Variants in KCTD16 observed in about 807,000 individuals in gnomAD.
KCTD16 encodes the protein potassium channel tetramerization domain containing 16.
Under a neutral mutation model 33.2 loss-of-function variants are expected in KCTD16, and 13 were observed. The ratio of observed to expected loss-of-function variants is 0.39; its 90% CI spans 0.25 to 0.62. The LOEUF (loss-of-function observed/expected upper bound fraction) is 0.62, where lower values mean the gene tolerates loss of function less well. Among genes scored for constraint, KCTD16 ranks in the 20% least tolerant of loss-of-function variants. The pLI, the probability that KCTD16 is intolerant of heterozygous loss-of-function variation, is 0.50. For missense variants in KCTD16, 441 were observed against 525.1 expected (o/e 0.84, Z 1.57); for synonymous variants, 197 against 195.3 (o/e 1.01, Z -0.07).
At chr5:144,308,705 C>A (rs1225427450) in intron 3 of KCTD16, among the ~76,000 whole-genome samples, 1 of 136,290 alleles carries the variant, frequency 7.3e-6, no homozygotes, top group Admixed American at 7.5e-5. Context: ...ACTTAATGGG[C>A]AAACCTAGTT....
intron 2 of KCTD16, among the ~76,000 whole-genome samples, chr5:144,200,441 T>C (rs1052858068): frequency 8.5e-5 from 13 of 152,212 alleles, no homozygotes; most frequent in African/African-American, 3.1e-4. Flanking sequence ...CCAAATTCTT[T>C]CTTGCCAGGC....
chr5:144,424,516 C>T lies in KCTD16; in HGVS notation c.833-49144C>T, dbSNP rs567851607. ...AGCAGTTTGCACTGGCTATTGCTCA[C>T]CTCTGCAACCTCAGCTATGGCCACT... On this transcript the variant is annotated intron_variant, in intron 3 of 3. Coordinates refer to ENST00000512467, the MANE Select transcript of KCTD16 (RefSeq NM_020768.4). Among the ~76,000 whole-genome samples the T allele has an allele frequency of 4.3e-4, 66 of 152,278 alleles. 2 individuals carry two copies. In the South Asian group the frequency reaches 0.013, roughly 30 times the overall value.
At chr5:144,177,627 T>G (rs1752534863) in intron 2 of KCTD16, among the ~76,000 whole-genome samples, 1 of 152,220 alleles carries the variant, frequency 6.6e-6, no homozygotes, top group Non-Finnish European at 1.5e-5. Context: ...TCGCATAGTC[T>G]TCTCTCTGTG....
intron 3 of KCTD16, among the ~76,000 whole-genome samples, chr5:144,414,799 A>G (rs960502617): frequency 6.6e-6 from 1 of 152,168 alleles, no homozygotes; most frequent in Non-Finnish European, 1.5e-5. Context: ...CCCAAGACAC[A>G]ATAATGAACA....
chr5:144,309,897 A>G (rs564169711), intron 3 of KCTD16, among the ~76,000 whole-genome samples: 23 of 152,198 alleles, frequency 1.5e-4, no homozygotes, highest in African/African-American at 5.5e-4. Flanking sequence ...AAATTTGTAT[A>G]CGGTGCAGTT....
intron 3 of KCTD16, among the ~76,000 whole-genome samples, chr5:144,321,055 A>C (rs1407625977): frequency 6.6e-6 from 1 of 152,014 alleles, no homozygotes; most frequent in Non-Finnish European, 1.5e-5. Context: ...GGTTTTCACT[A>C]TGTTGGTCAG....
intron 2 of KCTD16, chr5:144,205,789 A>G (rs563540542): frequency 7.8e-4 from 304 of 388,438 alleles, no homozygotes; most frequent in Non-Finnish European, 1.3e-3. Flanking sequence ...GACTTGTTTT[A>G]ACTTAAGATA....
intron 3 of KCTD16, among the ~76,000 whole-genome samples, chr5:144,387,266 T>C (rs1353068482): frequency 2.6e-5 from 4 of 151,412 alleles, no homozygotes; most frequent in African/African-American, 9.7e-5. Context: ...CATGAGCCAC[T>C]GTGCCCGACC....
intron 3 of KCTD16, among the ~76,000 whole-genome samples, chr5:144,423,565 G>A (rs1753256587): frequency 6.6e-6 from 1 of 152,098 alleles, no homozygotes; most frequent in African/African-American, 2.4e-5. Context: ...CTAGAAGAGA[G>A]AGACCAGGGA....
At position 144,280,682 on chromosome 5, in the gene KCTD16, C is replaced by T. The variant is rs1013654818; in HGVS notation, c.832+73136C>T. On this transcript the variant is annotated intron_variant, in intron 3 of 3. Coordinates refer to ENST00000512467, the MANE Select transcript of KCTD16 (RefSeq NM_020768.4). ...GCTCACGCCTGTAATCCCAGCACTT[C>T]GGGAGGCCAAGGCGGGCGGATCACG... Among the ~76,000 whole-genome samples the T allele has an allele frequency of 1.7e-4, 26 of 152,256 alleles. 1 individual carries two copies. The highest frequency in any genetic ancestry group is 1.3e-3 in the Admixed American group (20 of 15,298).
At chr5:144,216,335 T>C (rs1753561987) in intron 3 of KCTD16, among the ~76,000 whole-genome samples, 1 of 152,222 alleles carries the variant, frequency 6.6e-6, no homozygotes, top group South Asian at 2.1e-4. Context: ...AGTCTGTTAC[T>C]GTGTGACCCA....
chr5:144,185,466 A>G (rs943195988), intron 2 of KCTD16, among the ~76,000 whole-genome samples: 14 of 152,160 alleles, frequency 9.2e-5, no homozygotes, highest in Non-Finnish European at 1.8e-4. Context: ...GTCCCAGAAA[A>G]TGTTCCCAAA....
intron 3 of KCTD16, among the ~76,000 whole-genome samples, chr5:144,346,803 G>T (rs985418925): frequency 6.6e-6 from 1 of 152,028 alleles, no homozygotes; most frequent in Non-Finnish European, 1.5e-5. Context: ...CCATTATGTG[G>T]GTTGTCTCTT....
intron 2 of KCTD16, among the ~76,000 whole-genome samples, chr5:144,184,050 AC>A (rs1375961173): frequency 1.3e-5 from 2 of 152,200 alleles, no homozygotes; most frequent in Non-Finnish European, 2.9e-5. Context: ...TGTGATGCCT[AC>A]AGAACTATAA....
intron 3 of KCTD16, among the ~76,000 whole-genome samples, chr5:144,353,747 T>A (rs910749558): frequency 2.0e-5 from 3 of 152,288 alleles, no homozygotes; most frequent in Middle Eastern, 3.4e-3. Context: ...TTAATTATAC[T>A]GAGTGACATG....
chr5:144,340,051 A>G (rs1327214844), intron 3 of KCTD16, among the ~76,000 whole-genome samples: 2 of 152,104 alleles, frequency 1.3e-5, no homozygotes, highest in Non-Finnish European at 2.9e-5. Flanking sequence ...AATCTCATCC[A>G]TTCCATTCTA....
Position 144,207,509 on chromosome 5 carries a change from C to A in KCTD16, c.795C>A (p.Asp265Glu). The change falls in exon 3 of 4, where the codon GAC becomes GAA. Residue 265 changes from aspartate (D) to glutamate (E), a missense_variant. By Grantham distance (45) the Asp-to-Glu change is conservative. Coordinates refer to ENST00000512467, the MANE Select transcript of KCTD16 (RefSeq NM_020768.4). ...TASFINQYTD[D>E]KIWSSYTEYV... ...CTTTCATCAACCAATATACAGATGA[C>A]AAGATCTGGTCAAGCTACACTGAAT... The A allele has an allele frequency of 6.2e-7, 1 of 1,613,938 alleles. No homozygotes were observed. Among genetic ancestry groups the A allele is most frequent in the Non-Finnish European group, 8.5e-7 (1 of 1,179,916 alleles).
chr5:144,427,543 A>G (rs1580956632), intron 3 of KCTD16, among the ~76,000 whole-genome samples: 1 of 151,984 alleles, frequency 6.6e-6, no homozygotes, highest in African/African-American at 2.4e-5. Context: ...GATATCAGCT[A>G]TTTCTTTTTA....
intron 3 of KCTD16, among the ~76,000 whole-genome samples, chr5:144,294,625 G>A (rs530231147): frequency 1.3e-4 from 20 of 152,118 alleles, no homozygotes; most frequent in African/African-American, 3.4e-4. Context: ...CTTCCATGTA[G>A]TGTCTTCATC....
Sources: gnomAD v4.1 joint callset for allele counts (sites outside exome capture counted in the v4.1 genomes callset) on GRCh38, gnomAD v4.1.1 for gene constraint, MANE v1.5 for transcripts, NCBI Gene and HGNC (gene_info 2026-07-23, HGNC 2026-07-21) for gene names.